Variants in CTXND1 observed in about 807,000 individuals in gnomAD.
The protein encoded by CTXND1 is cortexin domain-containing 1 protein.
chr15:80,216,242 G>A (rs1445449898), intron 1 of CTXND1, among the ~76,000 whole-genome samples: 1 of 152,134 alleles, frequency 6.6e-6, no homozygotes, highest in Non-Finnish European at 1.5e-5. Flanking sequence ...TGGACATATG[G>A]CAAAAGGGAA....
In CTXND1 at chr15:80,209,690, C is replaced by T. The variant is rs191970735; in HGVS notation, c.-217-5950G>A. On this transcript the variant is annotated intron_variant, in intron 1 of 2. Transcript: ENST00000560778. ...AAACATAGACCTGGAAACAAGCATC[C>T]GAATCAGGATTTTAGGAAAAAACTA... Among the ~76,000 whole-genome samples, 220 of 152,150 alleles carry T rather than the reference C, an allele frequency of 1.4e-3. 1 individual carries two copies. Among genetic ancestry groups the T allele is most frequent in the African/African-American group, 5.0e-3 (207 of 41,480 alleles).
intron 1 of CTXND1, among the ~76,000 whole-genome samples, chr15:80,251,175 C>A (rs142698030): frequency 6.6e-6 from 1 of 152,190 alleles, no homozygotes; most frequent in Admixed American, 6.5e-5. Flanking sequence ...CCCTATTGCA[C>A]GCCTGGTGAG....
At chr15:80,247,946 C>T (rs193170464) in intron 1 of CTXND1, among the ~76,000 whole-genome samples, 22 of 152,290 alleles carry the variant, frequency 1.4e-4, no homozygotes, top group Non-Finnish European at 1.5e-4. Context: ...GACAATTTGT[C>T]AAGTCAATTG....
At chr15:80,210,690 T>C (rs550459524) in intron 1 of CTXND1, among the ~76,000 whole-genome samples, 3 of 152,360 alleles carry the variant, frequency 2.0e-5, no homozygotes, top group South Asian at 4.1e-4. Context: ...CTGATGTATT[T>C]CCTTATTTCT....
At chr15:80,241,687 G>A (rs1480370992) in intron 1 of CTXND1, among the ~76,000 whole-genome samples, 6 of 152,184 alleles carry the variant, frequency 3.9e-5, no homozygotes, top group Non-Finnish European at 5.9e-5. Flanking sequence ...TGAGATGATG[G>A]AACGGGGCCT....
At chr15:80,233,870 T>A (rs1317528561) in intron 1 of CTXND1, among the ~76,000 whole-genome samples, 3 of 152,238 alleles carry the variant, frequency 2.0e-5, no homozygotes, top group Non-Finnish European at 4.4e-5. Flanking sequence ...ACAGGACAGA[T>A]GACACGTTGT....
chr15:80,223,883 G>A (rs1471829486), intron 1 of CTXND1, among the ~76,000 whole-genome samples: 1 of 151,850 alleles, frequency 6.6e-6, no homozygotes, highest in African/African-American at 2.4e-5. Flanking sequence ...TTAAAAATAT[G>A]TCCACAAATA....
At chr15:80,238,613 T>C (rs1893530564) in intron 1 of CTXND1, among the ~76,000 whole-genome samples, 1 of 151,724 alleles carries the variant, frequency 6.6e-6, no homozygotes, top group African/African-American at 2.4e-5. Context: ...GCCTCCCGAG[T>C]AGCTAGGACT....
intron 1 of CTXND1, among the ~76,000 whole-genome samples, chr15:80,225,979 C>T (rs543962357): frequency 6.6e-6 from 1 of 152,256 alleles, no homozygotes. Context: ...TTTCCAAGAG[C>T]TTAAGGGTCC....
chr15:80,221,962 G>C (rs1893323951), intron 1 of CTXND1, among the ~76,000 whole-genome samples: 1 of 152,194 alleles, frequency 6.6e-6, no homozygotes, highest in African/African-American at 2.4e-5. Flanking sequence ...ACCGTGGTCA[G>C]AGAATATAGC....
At chr15:80,234,051 A>T (rs1893463771) in intron 1 of CTXND1, among the ~76,000 whole-genome samples, 1 of 152,210 alleles carries the variant, frequency 6.6e-6, no homozygotes, top group African/African-American at 2.4e-5. Context: ...AAGCTAAGTG[A>T]CCTTGAGCAA....
At chr15:80,240,745 G>T (rs747713382) in intron 1 of CTXND1, among the ~76,000 whole-genome samples, 2 of 152,190 alleles carry the variant, frequency 1.3e-5, no homozygotes, top group Non-Finnish European at 2.9e-5. Flanking sequence ...AAAATCAGTG[G>T]CAAATGTCAC....
In CTXND1 at chr15:80,198,184, A is replaced by G. The variant is rs1391010073; in HGVS notation, c.*3586T>C. ...AGGTGTCTTCATTGTCCCAAAGACC[A>G]CTGCTGCAGAGTGGTGGATCATTTA... is the stretch of plus-strand genomic sequence containing the variant. On this transcript the variant is annotated 3_prime_UTR_variant, in exon 3 of 3. Transcript: ENST00000560778. 6.6e-6 allele frequency: 1 copy of G among 152,214 alleles called. No individual in the cohort carries two copies. Among genetic ancestry groups the G allele is most frequent in the African/African-American group, 2.4e-5 (1 of 41,434 alleles). The allele number at this position is 152,214 out of a possible 1,614,324, so 9.4% of individuals were successfully genotyped here. A position where few individuals can be genotyped will look rare whatever the true frequency, so the allele number is the denominator to read the frequency against.
At chr15:80,241,953 T>C (rs1265878037) in intron 1 of CTXND1, among the ~76,000 whole-genome samples, 4 of 152,214 alleles carry the variant, frequency 2.6e-5, no homozygotes, top group African/African-American at 9.6e-5. Flanking sequence ...TTCATGTCCG[T>C]ATCCCACTTT....
chr15:80,229,509 A>C (rs1893406484), intron 1 of CTXND1, among the ~76,000 whole-genome samples: 1 of 152,224 alleles, frequency 6.6e-6, no homozygotes, highest in African/African-American at 2.4e-5. Context: ...CTGGAAATTT[A>C]GGAAGAAAGC....
In CTXND1 at chr15:80,211,111, G is replaced by A. The variant is rs1264182354; in HGVS notation, c.-217-7371C>T. Reference sequence around the variant, plus strand: ...GGACAGAGTCTGAGTCTGCTGAGGGGCACTGCCTCTGTGGAGCCAGGCCAG... The same window carrying A: ...GGACAGAGTCTGAGTCTGCTGAGGGACACTGCCTCTGTGGAGCCAGGCCAG... On this transcript the variant is annotated intron_variant, in intron 1 of 2. Transcript: ENST00000560778. Among the ~76,000 whole-genome samples the A allele has an allele frequency of 2.6e-5, 4 of 152,300 alleles. No individual in the cohort carries two copies. In the East Asian group the frequency reaches 5.8e-4, roughly 22 times the overall value.
At chr15:80,218,618 T>TTA (rs754016559) in intron 1 of CTXND1, among the ~76,000 whole-genome samples, 8 of 151,774 alleles carry the variant, frequency 5.3e-5, no homozygotes, top group African/African-American at 1.7e-4. Context: ...CTTCTCAATA[T>TTA]TATATATATA....
chr15:80,245,524 T>C (rs942460068), intron 1 of CTXND1, among the ~76,000 whole-genome samples: 1 of 152,162 alleles, frequency 6.6e-6, no homozygotes, highest in African/African-American at 2.4e-5. Flanking sequence ...TGTCCCAAGA[T>C]TGCCTGGCAG....
intron 1 of CTXND1, among the ~76,000 whole-genome samples, chr15:80,209,268 C>A (rs1332806784): frequency 5.9e-5 from 9 of 152,220 alleles, no homozygotes; most frequent in Admixed American, 5.9e-4. Flanking sequence ...AATTACCAGG[C>A]AGGCATAAGT....
Sources: gnomAD v4.1 joint callset for allele counts (sites outside exome capture counted in the v4.1 genomes callset) on GRCh38, gnomAD v4.1.1 for gene constraint, MANE v1.5 for transcripts, NCBI Gene and HGNC (gene_info 2026-07-23, HGNC 2026-07-21) for gene names.